Variants in GALP observed in about 807,000 individuals in gnomAD.
The protein encoded by GALP is galanin-like peptide.
A neutral mutation model predicts 15.2 loss-of-function variants in GALP; 12 were observed. The observed-to-expected ratio is 0.79, with a 90% confidence interval of 0.51 to 1.28. The LOEUF is 1.28. Among genes scored for constraint, GALP ranks in the 50% most tolerant of loss-of-function variants. GALP has a pLI of 0.00. For synonymous variants in GALP, 58 were observed against 55.1 expected, an observed-to-expected ratio of 1.05 and a Z score of -0.23; for missense variants, 161 against 145.6, an observed-to-expected ratio of 1.11 and a Z score of -0.55.
At position 56,185,353 on chromosome 19, in the gene GALP, G is replaced by C. The variant is rs749104924; in HGVS notation, c.*83G>C. The C allele has an allele frequency of 1.3e-6, 1 of 762,962 alleles. No individual in the cohort carries two copies. Among genetic ancestry groups the C allele is most frequent in the Non-Finnish European group, 2.2e-6 (1 of 457,428 alleles). 47.3% of individuals were successfully genotyped at this position (762,962 alleles called of 1,614,324 possible). ...ACCTTTTCTAGGTACCCTATGCTGA[G>C]ACTAAGATCCTGAAGTTAAATACCC... On this transcript the variant is annotated 3_prime_UTR_variant, in exon 6 of 6. Coordinates refer to ENST00000357330, the MANE Select transcript of GALP (RefSeq NM_033106.4).
chr19:56,177,733 G>C (rs1279325779), intron 2 of GALP, among the ~76,000 whole-genome samples: 1 of 152,066 alleles, frequency 6.6e-6, no homozygotes, highest in East Asian at 1.9e-4. Context: ...TTTGAAATCC[G>C]GGATCTGCGA....
rs549378738 is a variant in GALP, at chr19:56,177,017, G to A, written c.-39-53G>A. ...AAAATAAATTCCTCTGTCCTTATCG[G>A]AAATGCACCTGGCCCCCGCTTCGGA... is the stretch of plus-strand genomic sequence containing the variant. On this transcript the variant is annotated intron_variant, in intron 1 of 5. Transcript: ENST00000357330. 3.0e-5 allele frequency: 26 copies of A among 874,908 alleles called. 1 individual carries two copies. In the South Asian group the frequency reaches 3.8e-4, roughly 13 times the overall value. 54.2% of individuals were successfully genotyped at this position (874,908 alleles called of 1,614,324 possible). A position where few individuals can be genotyped will look rare whatever the true frequency, so the allele number is the denominator to read the frequency against.
At chr19:56,181,217 C>G (rs1436160930) in intron 3 of GALP, among the ~76,000 whole-genome samples, 1 of 151,800 alleles carries the variant, frequency 6.6e-6, no homozygotes, top group Non-Finnish European at 1.5e-5. Context: ...GCATGAGCCA[C>G]CACACCTGGC....
At chr19:56,177,332 T>G in intron 2 of GALP, 137 bp downstream of exon 2, 25 of 702,804 alleles carry the variant, frequency 3.6e-5, no homozygotes, top group Non-Finnish European at 5.1e-5. Flanking sequence ...TGAGAAGAAA[T>G]ATTGCGTGTC....
chr19:56,177,288 G>A lies in GALP; in HGVS notation c.87+93G>A, dbSNP rs184009848. On this transcript the variant is annotated intron_variant, in intron 2 of 5. Transcript: ENST00000357330. ...TAAAAATGCTTCTGGCTTGTGTCAA[G>A]GGTCCTGGGGAAGAAGCTCAAATCC... is the stretch of plus-strand genomic sequence containing the variant. The A allele has an allele frequency of 7.9e-5, 80 of 1,018,718 alleles. 1 individual carries two copies. In the East Asian group the frequency reaches 1.1e-3, roughly 14 times the overall value. 63.1% of individuals were successfully genotyped at this position (1,018,718 alleles called of 1,614,324 possible). A position where few individuals can be genotyped will look rare whatever the true frequency, so the allele number is the denominator to read the frequency against.
rs779523760 is a variant in GALP, at chr19:56,185,216, T to G, written c.297T>G (p.Asp99Glu). The G allele has an allele frequency of 6.2e-7, 1 of 1,603,508 alleles. No homozygotes were observed. The highest frequency in any genetic ancestry group is 8.5e-7 in the Non-Finnish European group (1 of 1,171,144). The part of the protein sequence containing the change: ...METFAKPEIG[D>E]LGMLSMKIPK... ...AGTTTACCTCTTTCTTTCCCACAGATCTGGGCATGCTCAGCATGAAAATTC... is the reference window on the plus strand; with the variant it reads ...AGTTTACCTCTTTCTTTCCCACAGAGCTGGGCATGCTCAGCATGAAAATTC... Residue 99 changes from aspartate (D) to glutamate (E), a missense_variant and splice_region_variant, in exon 6 of 6, where the codon GAT becomes GAG. By Grantham distance (45) the Asp-to-Glu change is conservative. Coordinates refer to ENST00000357330, the MANE Select transcript of GALP (RefSeq NM_033106.4).
chr19:56,183,790 G>A (rs1486097361), intron 5 of GALP, among the ~76,000 whole-genome samples: 4 of 151,710 alleles, frequency 2.6e-5, no homozygotes, highest in African/African-American at 9.7e-5. Flanking sequence ...TAGAGACGGG[G>A]TTTCACCATG....
rs113291225 is a variant in GALP at position 56,181,010 on chromosome 19, C to T, written c.136+376C>T. On this transcript the variant is annotated intron_variant, in intron 3 of 5. Transcript: ENST00000357330. ...TGCGATCTCAGCTCACTGCAACCTC[C>T]GCCGCCCGAGTAGTTTAAGCGATTC... 2.8e-3 allele frequency among the ~76,000 whole-genome samples: 423 copies of T among 150,406 alleles called. 2 individuals carry two copies. Among genetic ancestry groups the T allele is most frequent in the African/African-American group, 6.7e-3 (272 of 40,748 alleles).
Position 56,185,324 on chromosome 19 carries a change from T to C in GALP, c.*54T>C. 8.9e-7 allele frequency: 1 copy of C among 1,118,280 alleles called. No homozygotes were observed. The allele number at this position is 1,118,280 out of a possible 1,614,324, so 69.3% of individuals were successfully genotyped here. On this transcript the variant is annotated 3_prime_UTR_variant, in exon 6 of 6. Coordinates refer to ENST00000357330, the MANE Select transcript of GALP (RefSeq NM_033106.4). The stretch of plus-strand genomic sequence containing the variant: ...CTTCTCCAGCTCCTCCTGCTCCCTC[T>C]GAAACCTTTTCTAGGTACCCTATGC...
At chr19:56,176,999 A>G in intron 1 of GALP, 71 bp from the exon 2 acceptor site, 1 of 705,120 alleles carries the variant, frequency 1.4e-6, no homozygotes, top group Non-Finnish European at 2.4e-6. Flanking sequence ...TAAAAAATAA[A>G]TTCCTCTGTC....
chr19:56,181,370 C>T (rs2032563902), intron 3 of GALP, among the ~76,000 whole-genome samples: 1 of 140,376 alleles, frequency 7.1e-6, no homozygotes, highest in Non-Finnish European at 1.5e-5. Context: ...TAATGATTAG[C>T]TGCTATTCTT....
At chr19:56,183,008 C>G in intron 4 of GALP, 127 bp from the exon 5 acceptor site, 1 of 667,752 alleles carries the variant, frequency 1.5e-6, no homozygotes, top group South Asian at 1.7e-5. Flanking sequence ...TCTCCCTCCT[C>G]CCCCTGCTCC....
rs543972124 is a variant in GALP, at chr19:56,180,112, C to T, written c.88-474C>T. On this transcript the variant is annotated intron_variant, in intron 2 of 5. Coordinates refer to ENST00000357330, the MANE Select transcript of GALP (RefSeq NM_033106.4). ...ATTTTTTGTAGAGGCGAGATTTCGC[C>T]ATGTTGGCCAGGCTGGCCTTGAACT... Among the ~76,000 whole-genome samples the T allele has an allele frequency of 6.6e-5, 10 of 152,226 alleles. No individual in the cohort carries two copies. The South Asian group carries it at 2.1e-3, about 32-fold the overall frequency.
chr19:56,183,000 T>A, intron 4 of GALP, 135 bp from the exon 5 acceptor site: 2 of 640,664 alleles, frequency 3.1e-6, no homozygotes, highest in East Asian at 2.9e-5. Flanking sequence ...TCTGCTCCTC[T>A]CCCTCCTCCC....
chr19:56,183,308 A>G, intron 5 of GALP, 96 bp downstream of exon 5: 2 of 994,666 alleles, frequency 2.0e-6, no homozygotes, highest in Admixed American at 1.8e-5. Flanking sequence ...AAAGGAAGGA[A>G]ACTGGAACCA....
At chr19:56,180,778 C>T (rs942240584) in intron 3 of GALP, 144 bp downstream of exon 3, 2 of 684,014 alleles carry the variant, frequency 2.9e-6, no homozygotes, top group Admixed American at 4.4e-5. Flanking sequence ...GAGGGTTAGT[C>T]TAAGCAGAGC....
At chr19:56,183,644 T>C (rs763868417) in intron 5 of GALP, among the ~76,000 whole-genome samples, 3 of 152,162 alleles carry the variant, frequency 2.0e-5, no homozygotes, top group East Asian at 1.9e-4. Flanking sequence ...GTCGCCCAGG[T>C]TGGAGTGCAA....
At chr19:56,180,173 C>A (rs947067709) in intron 2 of GALP, among the ~76,000 whole-genome samples, 2 of 152,188 alleles carry the variant, frequency 1.3e-5, no homozygotes, top group Non-Finnish European at 2.9e-5. Context: ...TCGGCCTCCC[C>A]AAATGCTGGG....
At chr19:56,184,515 G>T (rs560778559) in intron 5 of GALP, among the ~76,000 whole-genome samples, 42 of 119,924 alleles carry the variant, frequency 3.5e-4, no homozygotes, top group African/African-American at 1.3e-3. Flanking sequence ...ACGGAGTCTC[G>T]CTCTGTCTCC....
Sources: allele counts gnomAD v4.1 joint callset (sites outside exome capture counted in the v4.1 genomes callset), GRCh38; gene constraint gnomAD v4.1.1; transcripts MANE v1.5; gene names NCBI Gene and HGNC (gene_info 2026-07-23, HGNC 2026-07-21).